The following MCUB variants were observed in gnomAD, a reference collection of about 807,000 sequenced individuals.
MCUB encodes calcium uniporter regulatory subunit MCUb, mitochondrial.
MCUB carries 46 observed loss-of-function variants against 41.4 expected under a neutral mutation model. The observed-to-expected ratio is 1.11, with a 90% confidence interval of 0.88 to 1.42. MCUB has a LOEUF of 1.42. MCUB is among the 40% of genes most tolerant of loss of function. The pLI is 0.00. For missense variants in MCUB, 403 were observed against 404.9 expected (o/e 1.00, Z 0.04); for synonymous variants, 148 against 148.2 (o/e 1.00, Z 0.01).
At chr4:109,622,889 A>G (rs1456492828) in intron 1 of MCUB, among the ~76,000 whole-genome samples, 1 of 152,234 alleles carries the variant, frequency 6.6e-6, no homozygotes, top group Non-Finnish European at 1.5e-5. Flanking sequence ...GCTCCCAGCC[A>G]GCCACGCATC....
intron 1 of MCUB, among the ~76,000 whole-genome samples, chr4:109,624,846 C>G (rs371556053): frequency 3.3e-5 from 5 of 151,984 alleles, no homozygotes; most frequent in African/African-American, 9.7e-5. Context: ...CTGTATAGTC[C>G]AAACCTGATG....
chr4:109,608,351 C>G (rs1727925701), intron 1 of MCUB, among the ~76,000 whole-genome samples: 1 of 151,802 alleles, frequency 6.6e-6, no homozygotes, highest in Admixed American at 6.6e-5. Context: ...AGATACCTGT[C>G]TGAAAGGTCA....
rs375817848 is a variant in MCUB at position 109,660,143 on chromosome 4, G to T, written c.176-52G>T. 3.9e-4 allele frequency: 358 copies of T among 906,892 alleles called. 2 individuals are homozygous for T. In the African/African-American group the frequency reaches 4.9e-3, roughly 12 times the overall value. The allele number at this position is 906,892 out of a possible 1,614,324, so 56.2% of individuals were successfully genotyped here. A position where few individuals can be genotyped will look rare whatever the true frequency, so the allele number is the denominator to read the frequency against. On this transcript the variant is annotated intron_variant, in intron 2 of 7. Transcript: ENST00000394650. ...TCCTTCTAGAATTCTTGTATTTATG[G>T]TTTTTTTTAAAGTAAAATTTACTCA...
At chr4:109,597,339 G>C in intron 1 of MCUB, among the ~76,000 whole-genome samples, 1 of 148,312 alleles carries the variant, frequency 6.7e-6, no homozygotes, top group South Asian at 2.2e-4. Flanking sequence ...CCTCCCAGAC[G>C]GGGCGGCTGG....
intron 1 of MCUB, among the ~76,000 whole-genome samples, chr4:109,569,183 A>AC (rs1455450099): frequency 6.6e-6 from 1 of 151,522 alleles, no homozygotes; most frequent in Non-Finnish European, 1.5e-5. Context: ...AGTAGCTGGG[A>AC]CTACAGGTGC....
In MCUB at chr4:109,664,486, G is replaced by A. The variant is rs891209390; in HGVS notation, c.451+92G>A. 3.0e-5 allele frequency: 18 copies of A among 603,344 alleles called. No homozygotes were observed. The Admixed American group carries it at 3.8e-4, about 13-fold the overall frequency. The allele number at this position is 603,344 out of a possible 1,614,324, so 37.4% of individuals were successfully genotyped here. On this transcript the variant is annotated intron_variant, in intron 4 of 7. Coordinates refer to ENST00000394650, the MANE Select transcript of MCUB (RefSeq NM_017918.5). Reference sequence around the variant, plus strand: ...GTTTCCCAGGCTGGAGTACAGTGACGTCGTCATAGCTCACTGTAATCTCAA... The same window carrying A: ...GTTTCCCAGGCTGGAGTACAGTGACATCGTCATAGCTCACTGTAATCTCAA...
At chr4:109,584,490 G>A (rs1727257802) in intron 1 of MCUB, among the ~76,000 whole-genome samples, 1 of 151,998 alleles carries the variant, frequency 6.6e-6, no homozygotes, top group Non-Finnish European at 1.5e-5. Context: ...CTTGCCTTCT[G>A]CTAGCTTTTG....
chr4:109,646,869 A>C (rs1163315115), intron 1 of MCUB, among the ~76,000 whole-genome samples: 3 of 152,344 alleles, frequency 2.0e-5, no homozygotes, highest in Middle Eastern at 3.4e-3. Flanking sequence ...CCAACTATGA[A>C]GCAAACACTA....
chr4:109,562,289 G>A (rs959986161), intron 1 of MCUB, among the ~76,000 whole-genome samples: 20 of 152,242 alleles, frequency 1.3e-4, no homozygotes, highest in African/African-American at 4.8e-4. Flanking sequence ...AGGAATCATC[G>A]TAAGAAGCGT....
intron 3 of MCUB, among the ~76,000 whole-genome samples, chr4:109,660,887 T>C (rs962743386): frequency 3.9e-5 from 6 of 152,226 alleles, no homozygotes; most frequent in African/African-American, 1.4e-4. Context: ...AAATTTAATG[T>C]AAATTTCAGT....
At chr4:109,638,463 T>C (rs562884672) in intron 1 of MCUB, among the ~76,000 whole-genome samples, 4 of 151,606 alleles carry the variant, frequency 2.6e-5, no homozygotes, top group South Asian at 4.2e-4. Flanking sequence ...CTAAAAATGC[T>C]AGCAATCATC....
At chr4:109,581,677 A>C (rs1253272683) in intron 1 of MCUB, among the ~76,000 whole-genome samples, 1 of 152,322 alleles carries the variant, frequency 6.6e-6, no homozygotes, top group East Asian at 1.9e-4. Context: ...AACTCAAACA[A>C]ATTTACAAGA....
chr4:109,636,795 A>T (rs1249660469), intron 1 of MCUB, among the ~76,000 whole-genome samples: 1 of 152,210 alleles, frequency 6.6e-6, no homozygotes, highest in African/African-American at 2.4e-5. Flanking sequence ...AGATCGTGCC[A>T]CCGCACTCCA....
chr4:109,667,095 G>T (rs1294222505), intron 4 of MCUB, among the ~76,000 whole-genome samples: 1 of 152,034 alleles, frequency 6.6e-6, no homozygotes, highest in East Asian at 1.9e-4. Flanking sequence ...GGTAATGCTG[G>T]CCTCATAGAA....
intron 1 of MCUB, among the ~76,000 whole-genome samples, chr4:109,576,053 G>A (rs978377178): frequency 6.6e-6 from 1 of 152,092 alleles, no homozygotes; most frequent in African/African-American, 2.4e-5. Context: ...TTGTACTTGG[G>A]GCCATTTGGT....
intron 1 of MCUB, among the ~76,000 whole-genome samples, chr4:109,564,718 C>T (rs564939348): frequency 6.6e-6 from 1 of 152,212 alleles, no homozygotes; most frequent in South Asian, 2.1e-4. Context: ...ACACAGGAAA[C>T]TCTCAGAACA....
chr4:109,605,299 A>G (rs1727844588), intron 1 of MCUB, among the ~76,000 whole-genome samples: 1 of 152,038 alleles, frequency 6.6e-6, no homozygotes, highest in African/African-American at 2.4e-5. Context: ...CTGGTCATTC[A>G]GGAGCATATT....
At chr4:109,682,020 GATCGGCT>G (rs1225394469) in intron 4 of MCUB, among the ~76,000 whole-genome samples, 1 of 152,204 alleles carries the variant, frequency 6.6e-6, no homozygotes, top group African/African-American at 2.4e-5. Context: ...GGCAATAGAT[GATCGGCT>G]ATTTCTTTAC....
At chr4:109,606,300 A>G (rs1429564390) in intron 1 of MCUB, among the ~76,000 whole-genome samples, 1 of 151,878 alleles carries the variant, frequency 6.6e-6, no homozygotes, top group Non-Finnish European at 1.5e-5. Context: ...GTTTAAATCC[A>G]TTTAGCCACT....
Sources: allele counts gnomAD v4.1 joint callset (sites outside exome capture counted in the v4.1 genomes callset), GRCh38; gene constraint gnomAD v4.1.1; transcripts MANE v1.5; gene names NCBI Gene and HGNC (gene_info 2026-07-23, HGNC 2026-07-21).